Variants in AOAH observed in about 807,000 individuals in gnomAD.
AOAH encodes the protein acyloxyacyl hydrolase (neutrophil).
Under a neutral mutation model 92.2 loss-of-function variants are expected in AOAH, and 64 were observed. The ratio of observed to expected loss-of-function variants is 0.69; its 90% CI spans 0.57 to 0.86. AOAH has a LOEUF of 0.86. Among genes scored for constraint, AOAH ranks in the 40% least tolerant of loss-of-function variants. The pLI is 0.00. For synonymous variants in AOAH, 263 were observed against 254.5 expected (o/e 1.03, Z -0.32); for missense variants, 656 against 694.6 (o/e 0.94, Z 0.62).
At chr7:36,659,971 TC>T (rs1396484270) in intron 3 of AOAH, among the ~76,000 whole-genome samples, 2 of 152,188 alleles carry the variant, frequency 1.3e-5, no homozygotes, top group Admixed American at 6.5e-5. Context: ...TCGTGACTTG[TC>T]CCTGCCCTAT....
At position 36,686,710 on chromosome 7, in the gene AOAH, C is replaced by T. The variant is rs1345421171; in HGVS notation, c.212G>A (p.Ser71Asn). The change falls in exon 2 of 21, where the codon AGC becomes AAC. Residue 71 changes from serine (S) to asparagine (N), a missense_variant. Transcript: ENST00000617537. Reference protein sequence around the residue: ...TVQASMERLCSYLPEKLFLKT... With the variant: ...TVQASMERLCNYLPEKLFLKT... ...CGTCCCATATTTACCAGGCAGGTAG[C>T]TGCACAGTCTCTCCATCGAGGCCTG... The T allele has an allele frequency of 6.5e-7, 1 of 1,541,712 alleles. No homozygotes were observed. Among genetic ancestry groups the T allele is most frequent in the Admixed American group, 2.0e-5 (1 of 50,676 alleles).
intron 15 of AOAH, among the ~76,000 whole-genome samples, chr7:36,542,512 G>T (rs1324927402): frequency 6.6e-6 from 1 of 152,130 alleles, no homozygotes; most frequent in Non-Finnish European, 1.5e-5. Flanking sequence ...GGGCCCCCAG[G>T]GATCCATAAT....
chr7:36,579,051 T>C (rs1788729305), intron 12 of AOAH, among the ~76,000 whole-genome samples: 1 of 152,102 alleles, frequency 6.6e-6, no homozygotes, highest in African/African-American at 2.4e-5. Context: ...CAAGATTTCA[T>C]GAGAACTCAC....
chr7:36,714,247 A>G (rs968359943), intron 1 of AOAH, among the ~76,000 whole-genome samples: 1 of 152,286 alleles, frequency 6.6e-6, no homozygotes, highest in South Asian at 2.1e-4. Context: ...TAAATTCCTC[A>G]ACACATACAC....
rs144880590 is a variant in AOAH at position 36,622,991 on chromosome 7, G to A, written c.582+199C>T. Among the ~76,000 whole-genome samples, 808 of 152,294 alleles carry A rather than the reference G, an allele frequency of 5.3e-3. 6 individuals carry two copies. Among genetic ancestry groups the A allele is most frequent in the African/African-American group, 0.019 (781 of 41,554 alleles). On this transcript the variant is annotated intron_variant, in intron 7 of 20. Transcript: ENST00000617537. ...GGAGGCAGAGGTTGCAGTGAGTGGA[G>A]ACCATGCCACTGCACTCCAGTCTGG...
chr7:36,652,955 T>A (rs1475503312), intron 4 of AOAH, among the ~76,000 whole-genome samples: 1 of 152,248 alleles, frequency 6.6e-6, no homozygotes, highest in Non-Finnish European at 1.5e-5. Context: ...GGACTTGATT[T>A]GCTACTAAGG....
Position 36,638,500 on chromosome 7 carries a change from C to T in AOAH, c.391-590G>A, listed in dbSNP as rs534410417. On this transcript the variant is annotated intron_variant, in intron 4 of 20. Transcript: ENST00000617537. Reference sequence around the variant, plus strand: ...GCATCTTCCAAGGGTACACACATTGCGAATATAAAGAGTTAGCTCATTACT... The same window carrying T: ...GCATCTTCCAAGGGTACACACATTGTGAATATAAAGAGTTAGCTCATTACT... 6.6e-5 allele frequency among the ~76,000 whole-genome samples: 10 copies of T among 151,298 alleles called. No individual in the cohort carries two copies. In the South Asian group the frequency reaches 1.2e-3, roughly 19 times the overall value.
chr7:36,616,797 G>T (rs1274268567), intron 10 of AOAH, among the ~76,000 whole-genome samples: 1 of 152,186 alleles, frequency 6.6e-6, no homozygotes, highest in Non-Finnish European at 1.5e-5. Context: ...CCAAATTTTG[G>T]TTCTGGAAAT....
intron 2 of AOAH, among the ~76,000 whole-genome samples, chr7:36,674,950 G>A (rs563875848): frequency 2.0e-5 from 3 of 152,332 alleles, no homozygotes; most frequent in East Asian, 1.9e-4. Flanking sequence ...AAAAAAGTAC[G>A]AGACTTTAAA....
intron 2 of AOAH, among the ~76,000 whole-genome samples, chr7:36,678,607 G>A (rs1172026682): frequency 7.5e-5 from 11 of 146,678 alleles, no homozygotes; most frequent in Non-Finnish European, 1.3e-4. Context: ...GTGTGCGCGC[G>A]CGCGCGCGTT....
chr7:36,554,469 T>C lies in AOAH; in HGVS notation c.1022-4994A>G, dbSNP rs569604749. Among the ~76,000 whole-genome samples the C allele has an allele frequency of 8.5e-4, 130 of 152,358 alleles. 2 individuals are homozygous for C. The highest frequency in any genetic ancestry group is 2.9e-3 in the African/African-American group (121 of 41,582). ...TTAGGTTTGACTTGGTGATGTGGGC[T>C]CTTTTTTGGTTCCATATGAACTTTA... On this transcript the variant is annotated intron_variant, in intron 13 of 20. Transcript: ENST00000617537.
chr7:36,639,742 G>A (rs762853028), intron 4 of AOAH, among the ~76,000 whole-genome samples: 5 of 152,302 alleles, frequency 3.3e-5, no homozygotes, highest in African/African-American at 4.8e-5. Context: ...GATGTGCTCC[G>A]TGCACTGATA....
chr7:36,723,342 A>C (rs1799771178), intron 1 of AOAH, among the ~76,000 whole-genome samples: 1 of 152,102 alleles, frequency 6.6e-6, no homozygotes, highest in South Asian at 2.1e-4. Context: ...ATCCAAAAAA[A>C]ACAAACAAAA....
Position 36,517,206 on chromosome 7 carries a change from C to CTTTCT in AOAH, c.1600-3831_1600-3827dup, listed in dbSNP as rs1554360931. ...TCTTTCTTTCTTTCTTTCTTTCTTT[C>CTTTCT]TTTCTTTCTCTTTCTTTCTGTCTCT... On this transcript the variant is annotated intron_variant, in intron 20 of 20. Coordinates refer to ENST00000617537, the MANE Select transcript of AOAH (RefSeq NM_001637.4). Among the ~76,000 whole-genome samples the CTTTCT allele has an allele frequency of 5.5e-3, 262 of 47,240 alleles. 6 individuals are homozygous for CTTTCT. The highest frequency in any genetic ancestry group is 8.9e-3 in the African/African-American group (173 of 19,330). 31.0% of individuals were successfully genotyped at this position (47,240 alleles called of 152,430 possible).
intron 13 of AOAH, among the ~76,000 whole-genome samples, chr7:36,570,869 G>A (rs116054630): frequency 2.6e-5 from 4 of 152,066 alleles, no homozygotes; most frequent in Non-Finnish European, 5.9e-5. Flanking sequence ...AACTTATTTA[G>A]GTTAAAAAAA....
chr7:36,559,069 A>G (rs1462709853), intron 13 of AOAH, among the ~76,000 whole-genome samples: 5 of 152,042 alleles, frequency 3.3e-5, no homozygotes, highest in African/African-American at 4.8e-5. Flanking sequence ...CTTCTGTGTC[A>G]CTCACGCTGG....
In AOAH at chr7:36,616,273, G is replaced by T. The variant is rs187233561; in HGVS notation, c.846+107C>A. 3,038 of 870,982 alleles carry T rather than the reference G, an allele frequency of 3.5e-3. 33 individuals carry two copies. The highest frequency in any genetic ancestry group is 0.024 in the Middle Eastern group (113 of 4,622). 54.0% of individuals were successfully genotyped at this position (870,982 alleles called of 1,614,324 possible). On this transcript the variant is annotated intron_variant, in intron 11 of 20. Transcript: ENST00000617537. Reference sequence around the variant, plus strand: ...GCCTTTCATGGCAGATTTTGCTAAAGAGGGAAATTTGCACCTGTGTGGAGT... The same window carrying T: ...GCCTTTCATGGCAGATTTTGCTAAATAGGGAAATTTGCACCTGTGTGGAGT...
Position 36,548,224 on chromosome 7 carries a change from C to T in AOAH, c.1133+388G>A, listed in dbSNP as rs777046718. On this transcript the variant is annotated intron_variant, in intron 15 of 20. Coordinates refer to ENST00000617537, the MANE Select transcript of AOAH (RefSeq NM_001637.4). ...TTTTTGAGATAGAGTCTTGCTCCGTCGCTCAGGCTGGAGTGCAGTGGCACG... is the reference window on the plus strand; with the variant it reads ...TTTTTGAGATAGAGTCTTGCTCCGTTGCTCAGGCTGGAGTGCAGTGGCACG... Among the ~76,000 whole-genome samples the T allele has an allele frequency of 2.6e-5, 4 of 152,170 alleles. No individual in the cohort carries two copies. In the South Asian group the frequency reaches 6.2e-4, roughly 24 times the overall value.
intron 4 of AOAH, among the ~76,000 whole-genome samples, chr7:36,638,594 A>G (rs1793684613): frequency 6.6e-6 from 1 of 151,928 alleles, no homozygotes; most frequent in African/African-American, 2.4e-5. Context: ...GTGGGAGAAG[A>G]GTAACCCTGG....
Sources: allele counts gnomAD v4.1 joint callset (sites outside exome capture counted in the v4.1 genomes callset), GRCh38; gene constraint gnomAD v4.1.1; transcripts MANE v1.5; gene names NCBI Gene and HGNC (gene_info 2026-07-23, HGNC 2026-07-21).